The following C1GALT1 variants were observed in gnomAD, a reference collection of about 807,000 sequenced individuals.
C1GALT1 encodes the protein glycoprotein-N-acetylgalactosamine 3-beta-galactosyltransferase 1.
Under a neutral mutation model 31.0 loss-of-function variants are expected in C1GALT1, and 11 were observed. That is an observed-to-expected ratio of 0.36 (90% CI 0.22 to 0.59). C1GALT1 has a LOEUF of 0.59. Ranked by LOEUF, C1GALT1 falls within the 20% of genes least tolerant of loss-of-function variation. The probability of loss-of-function intolerance (pLI) is 0.79; values close to 1 mark genes in which losing one functional copy is unlikely to be tolerated. For synonymous variants in C1GALT1, 175 were observed against 143.6 expected (o/e 1.22, Z -1.56); for missense variants, 424 against 425.2 (o/e 1.00, Z 0.03).
chr7:7,238,936 T>C lies in C1GALT1; in HGVS notation c.888+14T>C, dbSNP rs763889819. ...CCTCCTGTAGAGGTAAGTTTAGAAA[T>C]TTTATTACTATGTCAATACTTGGAC... is the stretch of plus-strand genomic sequence containing the variant. On this transcript the variant is annotated intron_variant, in intron 3 of 3. Transcript: ENST00000436587. This position sits in a 1 kb window ranked among gnomAD's most constrained non-coding sequence, Gnocchi z 5.2. 1.9e-6 allele frequency: 3 copies of C among 1,580,180 alleles called. No homozygotes were observed. The highest frequency in any genetic ancestry group is 1.7e-6 in the Non-Finnish European group (2 of 1,160,886).
chr7:7,174,478 C>T (rs1482507034), intron 2 of C1GALT1, among the ~76,000 whole-genome samples: 1 of 152,008 alleles, frequency 6.6e-6, no homozygotes, highest in Non-Finnish European at 1.5e-5. Context: ...GTGTGGTGGC[C>T]CATGCCTGTA....
At chr7:7,183,497 T>G in intron 1 of C1GALT1, 3 of 786,122 alleles carry the variant, frequency 3.8e-6, no homozygotes, top group Non-Finnish European at 4.6e-6. Flanking sequence ...AAGAAAGGCA[T>G]TAAATTTTTT....
intron 1 of C1GALT1, among the ~76,000 whole-genome samples, chr7:7,217,344 A>G (rs1389405605): frequency 6.6e-6 from 1 of 151,366 alleles, no homozygotes; most frequent in Non-Finnish European, 1.5e-5. Flanking sequence ...AAGCTGAGAG[A>G]GGGAATTCCC....
chr7:7,202,866 C>T (rs945083629), intron 1 of C1GALT1, among the ~76,000 whole-genome samples: 2 of 152,046 alleles, frequency 1.3e-5, no homozygotes, highest in African/African-American at 4.8e-5. Flanking sequence ...CATGTAATGT[C>T]TTTCTAATTA....
chr7:7,199,245 C>G (rs919510583), intron 1 of C1GALT1, among the ~76,000 whole-genome samples: 1 of 152,120 alleles, frequency 6.6e-6, no homozygotes, highest in Non-Finnish European at 1.5e-5. Context: ...TGTCTTTGTT[C>G]TCATTGGTTT....
intron 1 of C1GALT1, among the ~76,000 whole-genome samples, chr7:7,187,942 G>C (rs1253129172): frequency 2.0e-5 from 3 of 152,158 alleles, no homozygotes; most frequent in Non-Finnish European, 4.4e-5. Flanking sequence ...GTAGGCAGTG[G>C]AGTTCCGTGA....
chr7:7,157,657 AGG>A (rs1451826847), intron 2 of C1GALT1, among the ~76,000 whole-genome samples: 72 of 152,328 alleles, frequency 4.7e-4, no homozygotes, highest in African/African-American at 1.7e-3. Context: ...CAACTTAGTT[AGG>A]TGTCTATTAG....
At chr7:7,210,786 A>G (rs1040439365) in intron 1 of C1GALT1, among the ~76,000 whole-genome samples, 3 of 152,194 alleles carry the variant, frequency 2.0e-5, no homozygotes, top group African/African-American at 7.2e-5. Context: ...GGGAATCTCC[A>G]TGTTTGGGTG....
At chr7:7,180,168 A>T (rs1172399443), upstream of C1GALT1, among the ~76,000 whole-genome samples, 1 of 152,234 alleles carries the variant, frequency 6.6e-6, no homozygotes, top group Non-Finnish European at 1.5e-5. Context: ...AGAAACAACA[A>T]TACTGAGGTT....
At chr7:7,165,316 C>A (rs1273887597) in intron 2 of C1GALT1, among the ~76,000 whole-genome samples, 4 of 152,194 alleles carry the variant, frequency 2.6e-5, no homozygotes, top group Non-Finnish European at 5.9e-5. Context: ...TGGAATAAAG[C>A]ACGCATCTAG....
At chr7:7,227,879 C>A (rs1782851299) in intron 1 of C1GALT1, among the ~76,000 whole-genome samples, 1 of 152,204 alleles carries the variant, frequency 6.6e-6, no homozygotes, top group South Asian at 2.1e-4. Context: ...TGGCCTTGGA[C>A]TTTCTAGCCT....
chr7:7,230,935 T>G (rs1297566749), intron 1 of C1GALT1, among the ~76,000 whole-genome samples: 1 of 152,252 alleles, frequency 6.6e-6, no homozygotes, highest in Non-Finnish European at 1.5e-5. Flanking sequence ...TAGCCAATAT[T>G]TATTTGGATT....
At position 7,244,721 on chromosome 7, in the gene C1GALT1, C is replaced by G. The variant is rs1369407129; in HGVS notation, c.*994C>G. 6.6e-6 allele frequency: 1 copy of G among 152,090 alleles called. No individual in the cohort carries two copies. The highest frequency in any genetic ancestry group is 1.5e-5 in the Non-Finnish European group (1 of 67,994). The allele number at this position is 152,090 out of a possible 1,614,324, so 9.4% of individuals were successfully genotyped here. On this transcript the variant is annotated 3_prime_UTR_variant, in exon 4 of 4. Coordinates refer to ENST00000436587, the MANE Select transcript of C1GALT1 (RefSeq NM_020156.5). Reference sequence around the variant, plus strand: ...GGGATGAGAACTTGTTTGTGCCTTTCATAACTTGTTTAAAGCAGAGTTTTA... The same window carrying G: ...GGGATGAGAACTTGTTTGTGCCTTTGATAACTTGTTTAAAGCAGAGTTTTA...
intron 1 of C1GALT1, among the ~76,000 whole-genome samples, chr7:7,227,940 GTTGTTCTGTTAT>G (rs1782856959): frequency 6.6e-6 from 1 of 152,192 alleles, no homozygotes; most frequent in Non-Finnish European, 1.5e-5. Context: ...CCCAGTTTCA[GTTGTTCTGTTAT>G]AAATACCAGA....
At chr7:7,206,212 G>A (rs1314735928) in intron 1 of C1GALT1, among the ~76,000 whole-genome samples, 1 of 120,926 alleles carries the variant, frequency 8.3e-6, no homozygotes, top group African/African-American at 3.3e-5. Context: ...TTAGTCTCAA[G>A]TTATGTAAAA....
intron 1 of C1GALT1, among the ~76,000 whole-genome samples, chr7:7,193,059 C>T (rs539493512): frequency 6.6e-6 from 1 of 151,876 alleles, no homozygotes; most frequent in East Asian, 1.9e-4. Flanking sequence ...GATATTAGAC[C>T]TTTGTCAGAT....
rs761004658 is a variant in C1GALT1, at chr7:7,238,347, A to C, written c.313A>C (p.Lys105Gln). 4 of 1,614,012 alleles carry C rather than the reference A, an allele frequency of 2.5e-6. No individual in the cohort carries two copies. The highest frequency in any genetic ancestry group is 2.5e-6 in the Non-Finnish European group (3 of 1,179,982). The change falls in exon 3 of 4, where the codon AAA (lysine) becomes CAA (glutamine). Residue 105 changes from lysine (K) to glutamine (Q), a missense_variant. Physicochemically the swap from Lys to Gln is moderately conservative, Grantham distance 53. Transcript: ENST00000436587. The surrounding 1 kb of genome is among the most constrained non-coding windows in gnomAD (Gnocchi z 5.2). ...CCCTCAAAACCTAGAGAAAAAGGCCAAACACGTCAAAGCTACTTGGGCCCA... is the reference window on the plus strand; with the variant it reads ...CCCTCAAAACCTAGAGAAAAAGGCCCAACACGTCAAAGCTACTTGGGCCCA... ...TGPQNLEKKAKHVKATWAQRC... is the reference protein window; with the variant it reads ...TGPQNLEKKAQHVKATWAQRC...
In C1GALT1 at chr7:7,243,749, A is replaced by G; in HGVS notation, c.*22A>G. ...TTGAAAGAAAATCATGAATGAACAA[A>G]GGTAATATGTCTAGCACTGCACTGA... On this transcript the variant is annotated 3_prime_UTR_variant, in exon 4 of 4. Transcript: ENST00000436587. The G allele has an allele frequency of 6.5e-7, 1 of 1,542,704 alleles. No homozygotes were observed. Among genetic ancestry groups the G allele is most frequent in the Non-Finnish European group, 8.9e-7 (1 of 1,129,858 alleles).
chr7:7,184,953 A>C (rs987429659), intron 1 of C1GALT1, among the ~76,000 whole-genome samples: 2 of 152,236 alleles, frequency 1.3e-5, no homozygotes, highest in African/African-American at 4.8e-5. Context: ...TTGTTCCATA[A>C]AATGAGAAGT....
Sources: gnomAD v4.1 joint callset for allele counts (sites outside exome capture counted in the v4.1 genomes callset) on GRCh38, gnomAD v4.1.1 for gene constraint, Gnocchi (gnomAD v3.1) non-coding constraint, MANE v1.5 for transcripts, NCBI Gene and HGNC (gene_info 2026-07-23, HGNC 2026-07-21) for gene names.